Variants in EVI5 observed in about 807,000 individuals in gnomAD.
The protein encoded by EVI5 is ecotropic viral integration site 5, also known as ecotropic viral integration site 5 protein homolog.
EVI5 carries 73 observed loss-of-function variants against 112.0 expected under a neutral mutation model. That is an observed-to-expected ratio of 0.65 (90% CI 0.54 to 0.79). EVI5 has a LOEUF of 0.79. Ranked by LOEUF, EVI5 falls within the 30% of genes least tolerant of loss-of-function variation. The probability of loss-of-function intolerance (pLI) is 0.00; values close to 1 mark genes in which losing one functional copy is unlikely to be tolerated. For synonymous variants in EVI5, 305 were observed against 319.9 expected (o/e 0.95, Z 0.50); for missense variants, 900 against 968.8 (o/e 0.93, Z 0.94).
intron 1 of EVI5, among the ~76,000 whole-genome samples, chr1:92,743,402 G>A (rs1057261973): frequency 3.3e-5 from 5 of 152,112 alleles, no homozygotes; most frequent in South Asian, 4.1e-4. Flanking sequence ...AACACACCCT[G>A]AGGACATTAT....
At chr1:92,702,806 CAAAA>C (rs374337779) in intron 4 of EVI5, among the ~76,000 whole-genome samples, 1 of 81,260 alleles carries the variant, frequency 1.2e-5, no homozygotes. Context: ...AACTCCATCT[CAAAA>C]AAAAAAAAAA....
At position 92,519,609 on chromosome 1, in the gene EVI5, T is replaced by C. The variant is rs986435937; in HGVS notation, c.2167-5639A>G. On this transcript the variant is annotated intron_variant, in intron 19 of 19. Coordinates refer to ENST00000684568, the MANE Select transcript of EVI5 (RefSeq NM_001350197.2). ...ATGGATGAACTTCAAAAATATTAAGTTGGCCGGGTGCAGTGGCTCATGACT... is the reference window on the plus strand; with the variant it reads ...ATGGATGAACTTCAAAAATATTAAGCTGGCCGGGTGCAGTGGCTCATGACT... Among the ~76,000 whole-genome samples the C allele has an allele frequency of 2.0e-5, 3 of 152,076 alleles. No individual in the cohort carries two copies. The South Asian group carries it at 6.2e-4, about 31-fold the overall frequency.
rs1428325179 is a variant in EVI5 at position 92,553,716 on chromosome 1, G to C, written c.2166+9926C>G. ...CACATAGTGGTGGAATCACAGGTGTGAGCCACCACGCCCTGCCCCTGTATG... is the reference window on the plus strand; with the variant it reads ...CACATAGTGGTGGAATCACAGGTGTCAGCCACCACGCCCTGCCCCTGTATG... On this transcript the variant is annotated intron_variant, in intron 19 of 19. Coordinates refer to ENST00000684568, the MANE Select transcript of EVI5 (RefSeq NM_001350197.2). 5.9e-5 allele frequency among the ~76,000 whole-genome samples: 9 copies of C among 152,180 alleles called. No homozygotes were observed. In the East Asian group the frequency reaches 1.7e-3, roughly 29 times the overall value.
intron 13 of EVI5, among the ~76,000 whole-genome samples, chr1:92,656,112 C>T (rs1226619949): frequency 6.6e-6 from 1 of 152,110 alleles, no homozygotes; most frequent in Non-Finnish European, 1.5e-5. Context: ...CTCATCAGCA[C>T]ATGAAATGTT....
In EVI5 at chr1:92,567,511, T is replaced by C. The variant is rs1028027278; in HGVS notation, c.2071-3774A>G. Among the ~76,000 whole-genome samples, 9 of 152,330 alleles carry C rather than the reference T, an allele frequency of 5.9e-5. 1 individual carries two copies. Among genetic ancestry groups the C allele is most frequent in the Admixed American group, 3.9e-4 (6 of 15,310 alleles). On this transcript the variant is annotated intron_variant, in intron 18 of 19. Transcript: ENST00000684568. Reference sequence around the variant, plus strand: ...TCATATTTTTACTGTACCTCTTCTATGTTTAGATACACAACTTCTGACCAT... The same window carrying C: ...TCATATTTTTACTGTACCTCTTCTACGTTTAGATACACAACTTCTGACCAT...
At chr1:92,689,296 T>A (rs150446418) in intron 9 of EVI5, among the ~76,000 whole-genome samples, 8 of 152,118 alleles carry the variant, frequency 5.3e-5, no homozygotes, top group Admixed American at 6.5e-5. Flanking sequence ...TAATGCCCCC[T>A]GCTACTGGTA....
At chr1:92,788,713 G>A (rs964595823), upstream of EVI5, among the ~76,000 whole-genome samples, 22 of 152,008 alleles carry the variant, frequency 1.4e-4, no homozygotes, top group African/African-American at 5.3e-4. Flanking sequence ...AGAACTGCTT[G>A]AACCCAAGAG....
intron 1 of EVI5, among the ~76,000 whole-genome samples, chr1:92,743,661 T>G (rs1678796793): frequency 6.6e-6 from 1 of 152,166 alleles, no homozygotes; most frequent in Admixed American, 6.5e-5. Context: ...ACTGTAAATT[T>G]TGTTATGAAT....
rs144963106 is a variant in EVI5 at position 92,722,821 on chromosome 1, AC to A, written c.149+13576del. Among the ~76,000 whole-genome samples, 423 of 152,336 alleles carry A rather than the reference AC, an allele frequency of 2.8e-3. 1 individual carries two copies. The highest frequency in any genetic ancestry group is 8.9e-3 in the African/African-American group (372 of 41,568). On this transcript the variant is annotated intron_variant, in intron 2 of 19. Coordinates refer to ENST00000684568, the MANE Select transcript of EVI5 (RefSeq NM_001350197.2). ...GCTCAAAATCTTTCAAATGTAGTAA[AC>A]AAAGGGGTAAAAAGTTAAAACCAAA... is the stretch of plus-strand genomic sequence containing the variant.
At chr1:92,649,062 C>A (rs1038487911) in intron 13 of EVI5, among the ~76,000 whole-genome samples, 1 of 152,294 alleles carries the variant, frequency 6.6e-6, no homozygotes, top group East Asian at 1.9e-4. Flanking sequence ...TTATAGCCAT[C>A]CATTATAATG....
intron 16 of EVI5, among the ~76,000 whole-genome samples, chr1:92,623,688 G>T (rs919946563): frequency 2.6e-5 from 4 of 152,194 alleles, no homozygotes; most frequent in African/African-American, 9.6e-5. Context: ...GGGCAATTTT[G>T]TCCCCCAGGG....
chr1:92,659,843 T>C (rs569716417), intron 13 of EVI5, among the ~76,000 whole-genome samples: 2 of 152,118 alleles, frequency 1.3e-5, no homozygotes, highest in East Asian at 1.9e-4. Context: ...TAAGTATCCA[T>C]TGATGGATGA....
chr1:92,700,954 AAAC>A (rs1023589041), intron 5 of EVI5: 9 of 152,226 alleles, frequency 5.9e-5, no homozygotes, highest in East Asian at 1.9e-4. Context: ...TAATTTTGTT[AAAC>A]AACTATACCT....
At chr1:92,536,305 C>T (rs1308712897) in intron 19 of EVI5, among the ~76,000 whole-genome samples, 2 of 151,804 alleles carry the variant, frequency 1.3e-5, no homozygotes, top group African/African-American at 4.8e-5. Context: ...AAAAGGAAAG[C>T]GATAAGTTAT....
chr1:92,779,962 T>C (rs1283033303), intron 1 of EVI5, among the ~76,000 whole-genome samples: 1 of 152,198 alleles, frequency 6.6e-6, no homozygotes, highest in Non-Finnish European at 1.5e-5. Context: ...CATAAATTTA[T>C]TTTCTAGAAA....
chr1:92,705,899 G>C (rs1558115122), intron 2 of EVI5, among the ~76,000 whole-genome samples: 1 of 152,112 alleles, frequency 6.6e-6, no homozygotes, highest in Non-Finnish European at 1.5e-5. Context: ...CACCCTTTGA[G>C]AGCCAGATTT....
intron 1 of EVI5, among the ~76,000 whole-genome samples, chr1:92,744,150 T>C (rs1283823621): frequency 3.3e-5 from 5 of 152,210 alleles, no homozygotes; most frequent in East Asian, 1.9e-4. Context: ...ACAAGTTGTA[T>C]AGATAATTGT....
intron 18 of EVI5, among the ~76,000 whole-genome samples, chr1:92,603,849 C>T (rs1649743253): frequency 6.6e-6 from 1 of 152,038 alleles, no homozygotes; most frequent in Non-Finnish European, 1.5e-5. Flanking sequence ...CCACCTCAGC[C>T]TCCTAAGTAA....
At chr1:92,770,412 C>G (rs988622617) in intron 1 of EVI5, among the ~76,000 whole-genome samples, 37 of 152,188 alleles carry the variant, frequency 2.4e-4, no homozygotes, top group African/African-American at 8.4e-4. Flanking sequence ...AGACATTTCT[C>G]CACATGTGTA....
Sources: gnomAD v4.1 joint callset for allele counts (sites outside exome capture counted in the v4.1 genomes callset) on GRCh38, gnomAD v4.1.1 for gene constraint, MANE v1.5 for transcripts, NCBI Gene and HGNC (gene_info 2026-07-23, HGNC 2026-07-21) for gene names.